CTSS: variants seen among roughly 807,000 people sequenced by gnomAD.
CTSS encodes cathepsin S.
A neutral mutation model predicts 39.9 loss-of-function variants in CTSS; 15 were observed. That is an observed-to-expected ratio of 0.38 (90% CI 0.25 to 0.58). The LOEUF is 0.58. Among genes scored for constraint, CTSS ranks in the 20% least tolerant of loss-of-function variants. CTSS has a pLI of 0.70. For synonymous variants in CTSS, 126 were observed against 138.2 expected (o/e 0.91, Z 0.62); for missense variants, 250 against 398.2 (o/e 0.63, Z 3.17).
At position 150,732,976 on chromosome 1, in the gene CTSS, A is replaced by G; in HGVS notation, c.*70T>C. ...CATGACACAATTATTTCTTCTGGAT[A>G]CAGCAGGAAAAATTAAGTTAAGAGA... On this transcript the variant is annotated 3_prime_UTR_variant, in exon 8 of 8. Coordinates refer to ENST00000368985, the MANE Select transcript of CTSS (RefSeq NM_004079.5). 9.6e-7 allele frequency: 1 copy of G among 1,039,472 alleles called. No individual in the cohort carries two copies. Among genetic ancestry groups the G allele is most frequent in the Non-Finnish European group, 1.5e-6 (1 of 676,690 alleles). 64.4% of individuals were successfully genotyped at this position (1,039,472 alleles called of 1,614,324 possible).
chr1:150,732,819 G>A lies in CTSS; in HGVS notation c.*227C>T. The A allele has an allele frequency of 3.0e-6, 1 of 333,606 alleles. No homozygotes were observed. The highest frequency in any genetic ancestry group is 5.5e-6 in the Non-Finnish European group (1 of 180,312). 20.7% of individuals were successfully genotyped at this position (333,606 alleles called of 1,614,324 possible). On this transcript the variant is annotated 3_prime_UTR_variant, in exon 8 of 8. Transcript: ENST00000368985. ...AGATGGGGTTTCACCATGTTAGCCA[G>A]GCTGCTCTTTAACTCCTGGCCTCAA...
rs914514858 is a variant in CTSS at position 150,758,090 on chromosome 1, C to T, written c.127-110G>A. 90 of 1,021,786 alleles carry T rather than the reference C, an allele frequency of 8.8e-5. 1 individual carries two copies. In the Middle Eastern group the frequency reaches 1.3e-3, roughly 14 times the overall value. 63.3% of individuals were successfully genotyped at this position (1,021,786 alleles called of 1,614,324 possible). ...TTTGAGATGGAGTCTCACTCTGTCA[C>T]CCAAGCTGGAGTCCAATGGCACGAT... On this transcript the variant is annotated intron_variant, in intron 2 of 7. Transcript: ENST00000368985.
At chr1:150,750,842 A>G (rs1482618734) in intron 5 of CTSS, among the ~76,000 whole-genome samples, 3 of 151,976 alleles carry the variant, frequency 2.0e-5, no homozygotes, top group South Asian at 2.1e-4. Context: ...AGGTCTCACT[A>G]TGTTGCACAG....
At chr1:150,762,763 A>T (rs1413232068) in intron 2 of CTSS, among the ~76,000 whole-genome samples, 2 of 152,216 alleles carry the variant, frequency 1.3e-5, no homozygotes, top group Non-Finnish European at 2.9e-5. Context: ...TATCAAAACG[A>T]TGAAAGATAA....
chr1:150,750,723 A>G lies in CTSS; in HGVS notation c.628-552T>C, dbSNP rs587669433. On this transcript the variant is annotated intron_variant, in intron 5 of 7. Coordinates refer to ENST00000368985, the MANE Select transcript of CTSS (RefSeq NM_004079.5). ...ATAATCATGGCTCACTGCAGCCTCC[A>G]ACTCCTGGGCCAAGTGATTCTCCCA... Among the ~76,000 whole-genome samples, 21 of 152,228 alleles carry G rather than the reference A, an allele frequency of 1.4e-4. No homozygotes were observed. In the East Asian group the frequency reaches 3.7e-3, roughly 27 times the overall value.
intron 2 of CTSS, among the ~76,000 whole-genome samples, chr1:150,763,213 C>T (rs1339348890): frequency 6.6e-6 from 1 of 151,988 alleles, no homozygotes; most frequent in African/African-American, 2.4e-5. Context: ...TGCATAATCT[C>T]ATTTACATGT....
intron 2 of CTSS, among the ~76,000 whole-genome samples, chr1:150,764,180 T>C (rs1653316876): frequency 6.6e-6 from 1 of 152,176 alleles, no homozygotes; most frequent in Non-Finnish European, 1.5e-5. Context: ...AGGAATTTTG[T>C]TTTGATTCCT....
intron 5 of CTSS, 98 bp downstream of exon 5, chr1:150,751,683 T>G: frequency 9.8e-7 from 1 of 1,018,618 alleles, no homozygotes; most frequent in Non-Finnish European, 1.5e-6. Flanking sequence ...CACACAATAC[T>G]GCTTCTCAAG....
At chr1:150,755,299 A>G (rs587661234) in intron 3 of CTSS, 149 bp from the exon 4 acceptor site, 3 of 821,938 alleles carry the variant, frequency 3.6e-6, no homozygotes, top group African/African-American at 1.7e-5. Context: ...CCTAGGCTGT[A>G]TGGTAGGGCC....
At position 150,731,873 on chromosome 1, in the gene CTSS, C is replaced by T. The variant is rs900835120; in HGVS notation, c.*1173G>A. 1.3e-5 allele frequency: 2 copies of T among 152,102 alleles called. No homozygotes were observed. The highest frequency in any genetic ancestry group is 2.9e-5 in the Non-Finnish European group (2 of 68,014). The allele number at this position is 152,102 out of a possible 1,614,324, so 9.4% of individuals were successfully genotyped here. On this transcript the variant is annotated 3_prime_UTR_variant, in exon 8 of 8. Coordinates refer to ENST00000368985, the MANE Select transcript of CTSS (RefSeq NM_004079.5). ...TCTTCCAAAGTGCTTGTCTTTTATG[C>T]ATTTCTTTACTTTAACATAATATAA...
chr1:150,761,111 G>A (rs1329027744), intron 2 of CTSS, among the ~76,000 whole-genome samples: 23 of 149,676 alleles, frequency 1.5e-4, no homozygotes, highest in African/African-American at 4.2e-4. Context: ...CCTGGGAGGC[G>A]GAGGTTGCAG....
chr1:150,757,967 A>T lies in CTSS; in HGVS notation c.140T>A (p.Val47Glu). ...ATTCTTTTCCCAGATGAGACGTCGT[A>T]CTGCTTCTTCATTCTAAAACATAAT... ...KQYKEKNEEA[V>E]RRLIWEKNLK... Residue 47 changes from valine to glutamate, a missense_variant, in exon 3 of 8, where the codon GTA becomes GAA. Val to Glu is a moderately radical substitution (Grantham distance 121, BLOSUM62 -2). Transcript: ENST00000368985. 6.2e-7 allele frequency: 1 copy of T among 1,613,896 alleles called. No individual in the cohort carries two copies.
intron 3 of CTSS, among the ~76,000 whole-genome samples, chr1:150,756,248 G>A (rs587743133): frequency 2.6e-5 from 4 of 152,248 alleles, no homozygotes; most frequent in East Asian, 3.9e-4. Flanking sequence ...GCAACAACAC[G>A]TATGGAGCTG....
Position 150,731,760 on chromosome 1 carries a change from T to C in CTSS, c.*1286A>G, listed in dbSNP as rs930800054. 2 of 152,238 alleles carry C rather than the reference T, an allele frequency of 1.3e-5. No individual in the cohort carries two copies. Among genetic ancestry groups the C allele is most frequent in the African/African-American group, 4.8e-5 (2 of 41,470 alleles). 9.4% of individuals were successfully genotyped at this position (152,238 alleles called of 1,614,324 possible). A position where few individuals can be genotyped will look rare whatever the true frequency, so the allele number is the denominator to read the frequency against. ...ATTTTATTCTGGTTGGCTCAGTTATTTGCCAAATAAAGGCCCTGGTCAAAT... is the reference window on the plus strand; with the variant it reads ...ATTTTATTCTGGTTGGCTCAGTTATCTGCCAAATAAAGGCCCTGGTCAAAT... On this transcript the variant is annotated 3_prime_UTR_variant, in exon 8 of 8. Transcript: ENST00000368985.
At chr1:150,738,559 G>A (rs1652682692) in intron 7 of CTSS, among the ~76,000 whole-genome samples, 1 of 150,148 alleles carries the variant, frequency 6.7e-6, no homozygotes, top group South Asian at 2.1e-4. Flanking sequence ...CACAATCGCA[G>A]CTCACTGCAG....
chr1:150,735,135 A>G (rs1206833406), intron 7 of CTSS, among the ~76,000 whole-genome samples: 2 of 152,228 alleles, frequency 1.3e-5, no homozygotes, highest in Non-Finnish European at 2.9e-5. Flanking sequence ...ATGTACTTCA[A>G]TTACAAAGGC....
At position 150,755,297 on chromosome 1, in the gene CTSS, G is replaced by A. The variant is rs1207532393; in HGVS notation, c.250-147C>T. ...GTATTGGCTCCTACATACCTAGGCT[G>A]TATGGTAGGGCCCATTGCTCCTAAA... On this transcript the variant is annotated intron_variant, in intron 3 of 7. Transcript: ENST00000368985. 6.1e-6 allele frequency: 5 copies of A among 825,714 alleles called. No homozygotes were observed. In the African/African-American group the frequency reaches 6.8e-5, roughly 11 times the overall value. The allele number at this position is 825,714 out of a possible 1,614,324, so 51.1% of individuals were successfully genotyped here.
chr1:150,756,845 T>C (rs894481549), intron 3 of CTSS, among the ~76,000 whole-genome samples: 3 of 151,736 alleles, frequency 2.0e-5, no homozygotes, highest in Non-Finnish European at 4.4e-5. Context: ...GCCTCCCAAA[T>C]AGCTGAGATT....
chr1:150,735,745 T>C (rs1382250972), intron 7 of CTSS, among the ~76,000 whole-genome samples: 1 of 148,120 alleles, frequency 6.8e-6, no homozygotes, highest in Non-Finnish European at 1.5e-5. Flanking sequence ...CATACCACCA[T>C]GCTTGGCCAA....
Sources: allele counts gnomAD v4.1 joint callset (sites outside exome capture counted in the v4.1 genomes callset), GRCh38; gene constraint gnomAD v4.1.1; transcripts MANE v1.5; gene names NCBI Gene and HGNC (gene_info 2026-07-23, HGNC 2026-07-21).